The following FRAS1 variants were observed in gnomAD, a reference collection of about 807,000 sequenced individuals.
The protein encoded by FRAS1 is extracellular matrix organizing protein FRAS1.
A neutral mutation model predicts 435.2 loss-of-function variants in FRAS1; 290 were observed. That is an observed-to-expected ratio of 0.67 (90% CI 0.61 to 0.73). FRAS1 has a LOEUF of 0.73. Ranked by LOEUF, FRAS1 falls within the 30% of genes least tolerant of loss-of-function variation. The pLI, the probability that FRAS1 is intolerant of heterozygous loss-of-function variation, is 0.00. For synonymous variants in FRAS1, 1,800 were observed against 1,851.0 expected (o/e 0.97, Z 0.71); for missense variants, 4,860 against 5,001.5 (o/e 0.97, Z 0.85).
rs201864889 is a variant in FRAS1, at chr4:78,407,693, C to T, written c.4160C>T (p.Ala1387Val). 9.7e-4 allele frequency: 1,563 copies of T among 1,613,226 alleles called. 4 individuals carry two copies. Among genetic ancestry groups the T allele is most frequent in the Middle Eastern group, 1.7e-3 (10 of 6,052 alleles). ...GTGGTCCTTCTAGTGAATATGCCTG[C>T]AGACAGCCCTGCAGATGAAGGGCAG... is the stretch of plus-strand genomic sequence containing the variant. ...GEVVLLVNMP[A>V]DSPADEGQHL... Residue 1387 changes from alanine (A) to valine (V), a missense_variant, in exon 31 of 74, where the codon GCA becomes GTA. Physicochemically the swap from Ala to Val is moderately conservative, Grantham distance 64 (BLOSUM62 0). Transcript: ENST00000512123.
intron 20 of FRAS1, among the ~76,000 whole-genome samples, chr4:78,357,323 G>C (rs985024648): frequency 7.2e-5 from 11 of 152,164 alleles, no homozygotes; most frequent in African/African-American, 2.4e-4. Context: ...TGTCCACCAT[G>C]TTTTCAGGTT....
intron 2 of FRAS1, among the ~76,000 whole-genome samples, chr4:78,135,247 C>T (rs1311588557): frequency 2.6e-5 from 4 of 152,144 alleles, no homozygotes; most frequent in African/African-American, 9.7e-5. Flanking sequence ...TTCCTTCTTG[C>T]ATCTTTTCTT....
At chr4:78,342,863 G>A (rs1341068531) in intron 20 of FRAS1, among the ~76,000 whole-genome samples, 1 of 152,040 alleles carries the variant, frequency 6.6e-6, no homozygotes, top group African/African-American at 2.4e-5. Context: ...GTTTTTTTTG[G>A]GTAGTGAAAG....
At chr4:78,315,017 C>A (rs549963331) in intron 15 of FRAS1, among the ~76,000 whole-genome samples, 5 of 152,074 alleles carry the variant, frequency 3.3e-5, no homozygotes, top group Admixed American at 2.0e-4. Context: ...GTTTCTAACC[C>A]CGGCACAAGA....
chr4:78,508,548 C>T (rs533998247), intron 62 of FRAS1, among the ~76,000 whole-genome samples, 183 bp from the exon 63 acceptor site: 1 of 152,286 alleles, frequency 6.6e-6, no homozygotes, highest in South Asian at 2.1e-4. Flanking sequence ...GAATCTTCTC[C>T]ACCACTAAAG....
intron 15 of FRAS1, among the ~76,000 whole-genome samples, chr4:78,311,877 CT>C (rs1329721577): frequency 6.6e-6 from 1 of 152,098 alleles, no homozygotes; most frequent in Non-Finnish European, 1.5e-5. Context: ...TTTAAATGTG[CT>C]TTTCCCATTG....
At chr4:78,141,151 C>T (rs528420373) in intron 2 of FRAS1, among the ~76,000 whole-genome samples, 8 of 152,066 alleles carry the variant, frequency 5.3e-5, no homozygotes, top group African/African-American at 1.7e-4. Context: ...ACCCATCAAC[C>T]CGTCATCTAC....
intron 47 of FRAS1, among the ~76,000 whole-genome samples, chr4:78,457,319 A>C (rs2109840521): frequency 6.6e-6 from 1 of 152,288 alleles, no homozygotes; most frequent in East Asian, 1.9e-4. Flanking sequence ...TCTGCACCAC[A>C]GGGGGGCAGT....
Position 78,245,286 on chromosome 4 carries a change from G to A in FRAS1, c.270G>A (p.Arg90=), listed in dbSNP as rs371387639. The A allele has an allele frequency of 1.2e-6, 2 of 1,609,020 alleles. No homozygotes were observed. Among genetic ancestry groups the A allele is most frequent in the Non-Finnish European group, 1.7e-6 (2 of 1,177,798 alleles). The stretch of plus-strand genomic sequence containing the variant: ...AATGCTGTCCTGAGTGTGTTTTGAG[G>A]ACTCCAGGATCTTGCCATCATGAAA... ...ANQCCPECVL[R]TPGSCHHEKK... The change falls in exon 4 of 74, where the codon AGG becomes AGA. Residue 90 remains arginine (R), a synonymous_variant. Coordinates refer to ENST00000512123, the MANE Select transcript of FRAS1 (RefSeq NM_025074.7).
intron 2 of FRAS1, among the ~76,000 whole-genome samples, chr4:78,178,604 T>C (rs1454217839): frequency 1.3e-5 from 2 of 152,196 alleles, no homozygotes; most frequent in African/African-American, 2.4e-5. Flanking sequence ...CTTAATCCAA[T>C]TGATTTGCAA....
At chr4:78,269,885 C>T (rs933891233) in intron 9 of FRAS1, among the ~76,000 whole-genome samples, 5 of 152,094 alleles carry the variant, frequency 3.3e-5, no homozygotes, top group African/African-American at 9.7e-5. Flanking sequence ...AGAGGGTAGG[C>T]GCGTGGTAAA....
chr4:78,261,627 A>T (rs1317614391), intron 6 of FRAS1, among the ~76,000 whole-genome samples: 5 of 151,702 alleles, frequency 3.3e-5, no homozygotes, highest in African/African-American at 1.2e-4. Context: ...CATACAAAAG[A>T]AACACCCTTA....
chr4:78,428,884 G>A (rs1413661246), intron 35 of FRAS1, among the ~76,000 whole-genome samples: 14 of 151,890 alleles, frequency 9.2e-5, no homozygotes, highest in Non-Finnish European at 1.9e-4. Flanking sequence ...CTTATCCATA[G>A]AAAAAAGAAT....
chr4:78,189,262 G>A lies in FRAS1; in HGVS notation c.109-48248G>A, dbSNP rs116529488. On this transcript the variant is annotated intron_variant, in intron 2 of 73. Transcript: ENST00000512123. ...TTAGTTTTGACTTCTCAAAACTGGA[G>A]GATAAAAGAAATACTCCCTGCTTAG... is the stretch of plus-strand genomic sequence containing the variant. Among the ~76,000 whole-genome samples the A allele has an allele frequency of 6.3e-3, 952 of 152,294 alleles. 6 individuals are homozygous for A. Among genetic ancestry groups the A allele is most frequent in the African/African-American group, 0.019 (779 of 41,564 alleles).
At chr4:78,428,766 G>A (rs1734096449) in intron 35 of FRAS1, among the ~76,000 whole-genome samples, 1 of 152,154 alleles carries the variant, frequency 6.6e-6, no homozygotes. Flanking sequence ...GCATCTATGG[G>A]TGCAGATTTT....
rs1214018941 is a variant in FRAS1, at chr4:78,348,039, C to T, written c.2422+10222C>T. On this transcript the variant is annotated intron_variant, in intron 20 of 73. Transcript: ENST00000512123. Reference sequence around the variant, plus strand: ...TCCGGTCTACAGCTCCCAGCGTGAGCGACGCAGAAGACGGGTGATTTCTGC... The same window carrying T: ...TCCGGTCTACAGCTCCCAGCGTGAGTGACGCAGAAGACGGGTGATTTCTGC... Among the ~76,000 whole-genome samples the T allele has an allele frequency of 6.8e-4, 5 of 7,374 alleles. 1 individual carries two copies. Among genetic ancestry groups the T allele is most frequent in the South Asian group, 4.1e-3 (4 of 974 alleles). The allele number at this position is 7,374 out of a possible 152,430, so 4.8% of individuals were successfully genotyped here. A position where few individuals can be genotyped will look rare whatever the true frequency, so the allele number is the denominator to read the frequency against.
At chr4:78,102,437 T>C (rs1485899060) in intron 2 of FRAS1, among the ~76,000 whole-genome samples, 2 of 152,174 alleles carry the variant, frequency 1.3e-5, no homozygotes, top group East Asian at 1.9e-4. Flanking sequence ...TAAGTACCCA[T>C]ATGCTAATTG....
At chr4:78,093,876 A>G (rs1302747470) in intron 2 of FRAS1, among the ~76,000 whole-genome samples, 1 of 152,114 alleles carries the variant, frequency 6.6e-6, no homozygotes, top group Non-Finnish European at 1.5e-5. Flanking sequence ...CTTAGCAGCA[A>G]TTTCAGAAGT....
rs1732852733 is a variant in FRAS1 at position 78,400,750 on chromosome 4, A to G, written c.3992A>G (p.Gln1331Arg). The change falls in exon 30 of 74, where the codon CAG (glutamine) becomes CGG (arginine). Residue 1331 changes from glutamine (Q) to arginine (R), a missense_variant. Transcript: ENST00000512123. Reference protein sequence around the residue: ...KTVPQNDRGLQLVANSMVWVP... With the variant: ...KTVPQNDRGLRLVANSMVWVP... ...TTATTTCAGAATGACAGGGGTCTTC[A>G]GCTTGTGGCTAATTCGATGGTGTGG... 2 of 1,612,608 alleles carry G rather than the reference A, an allele frequency of 1.2e-6. No homozygotes were observed. Among genetic ancestry groups the G allele is most frequent in the Non-Finnish European group, 1.7e-6 (2 of 1,179,464 alleles).
Sources: allele counts gnomAD v4.1 joint callset (sites outside exome capture counted in the v4.1 genomes callset), GRCh38; gene constraint gnomAD v4.1.1; transcripts MANE v1.5; gene names NCBI Gene and HGNC (gene_info 2026-07-23, HGNC 2026-07-21).